ELMO1: variants seen among roughly 807,000 people sequenced by gnomAD.
ELMO1 encodes the protein engulfment and cell motility protein 1.
ELMO1 carries 26 observed loss-of-function variants against 98.9 expected under a neutral mutation model. That is an observed-to-expected ratio of 0.26 (90% CI 0.19 to 0.36). The LOEUF (loss-of-function observed/expected upper bound fraction) is 0.36, where lower values mean the gene tolerates loss of function less well. ELMO1 is among the 10% of genes least tolerant of loss of function. The pLI is 1.00. For synonymous variants in ELMO1, 346 were observed against 346.0 expected, an observed-to-expected ratio of 1.00 and a Z score of 0.00; for missense variants, 627 against 935.2, an observed-to-expected ratio of 0.67 and a Z score of 4.30.
chr7:37,402,698 A>G (rs1472794670), intron 1 of ELMO1, among the ~76,000 whole-genome samples: 1 of 152,204 alleles, frequency 6.6e-6, no homozygotes, highest in Non-Finnish European at 1.5e-5. Flanking sequence ...ATACTAAAGG[A>G]CACTGTTAGT....
chr7:37,318,958 C>A (rs1799346302), intron 2 of ELMO1, among the ~76,000 whole-genome samples: 3 of 152,296 alleles, frequency 2.0e-5, no homozygotes, highest in African/African-American at 7.2e-5. Flanking sequence ...TATAACTAAT[C>A]CTTCAATGAA....
At chr7:36,930,921 T>C (rs1024102971) in intron 16 of ELMO1, among the ~76,000 whole-genome samples, 7 of 152,314 alleles carry the variant, frequency 4.6e-5, no homozygotes, top group East Asian at 1.9e-4. Context: ...GGTGAGAACA[T>C]GCGCACCTTC....
At chr7:37,431,194 C>A (rs1647794) in intron 1 of ELMO1, among the ~76,000 whole-genome samples, 12 of 152,044 alleles carry the variant, frequency 7.9e-5, no homozygotes, top group South Asian at 4.1e-4. Flanking sequence ...AAGATTAGCC[C>A]GGCATGGTGG....
intron 15 of ELMO1, among the ~76,000 whole-genome samples, chr7:37,079,361 T>C (rs559758841): frequency 8.5e-5 from 13 of 152,364 alleles, no homozygotes; most frequent in Non-Finnish European, 1.8e-4. Flanking sequence ...ACTTGTTGAT[T>C]AGAAACAGAC....
At chr7:36,865,954 C>T (rs1260438240) in intron 20 of ELMO1, among the ~76,000 whole-genome samples, 3 of 152,214 alleles carry the variant, frequency 2.0e-5, no homozygotes, top group South Asian at 2.1e-4. Context: ...GATGCTAGAA[C>T]ATCAGCTTCA....
chr7:37,225,077 C>A, intron 8 of ELMO1, 47 bp from the exon 9 acceptor site: 1 of 1,609,562 alleles, frequency 6.2e-7, no homozygotes, highest in Non-Finnish European at 8.5e-7. Context: ...GTAAGTAGAG[C>A]AGAGACGTGG....
Position 37,224,911 on chromosome 7 carries a change from G to A in ELMO1, c.669C>T (p.Ile223=), listed in dbSNP as rs1793781065. ...HDLYQKVAQE[I]TIGQLIPHLQ... ...GGTGTGGAATGAGCTGGCCGATGGTGATCTCCTGCGCCACTTTCTGGTAGA... is the reference window on the plus strand; with the variant it reads ...GGTGTGGAATGAGCTGGCCGATGGTAATCTCCTGCGCCACTTTCTGGTAGA... Residue 223 remains isoleucine, a synonymous_variant, in exon 9 of 22, where the codon ATC becomes ATT. Coordinates refer to ENST00000310758, the MANE Select transcript of ELMO1 (RefSeq NM_014800.11). The A allele has an allele frequency of 1.2e-6, 2 of 1,614,070 alleles. No individual in the cohort carries two copies. The highest frequency in any genetic ancestry group is 1.1e-5 in the South Asian group (1 of 91,074).
chr7:36,909,850 C>G (rs1784222537), intron 16 of ELMO1, among the ~76,000 whole-genome samples: 1 of 152,102 alleles, frequency 6.6e-6, no homozygotes, highest in Non-Finnish European at 1.5e-5. Flanking sequence ...TCCAGAAGAT[C>G]TCAGAAACAA....
intron 4 of ELMO1, among the ~76,000 whole-genome samples, chr7:37,273,318 T>G (rs1416598064): frequency 1.3e-5 from 2 of 152,162 alleles, no homozygotes; most frequent in Non-Finnish European, 2.9e-5. Context: ...AGGGGCAGTT[T>G]CCCCCATGCC....
intron 1 of ELMO1, among the ~76,000 whole-genome samples, chr7:37,369,300 T>C (rs1802021570): frequency 6.6e-6 from 1 of 152,198 alleles, no homozygotes; most frequent in East Asian, 1.9e-4. Flanking sequence ...TCAGGTTTTG[T>C]AGTATTTGCA....
At chr7:37,192,830 ATATG>A (rs902729086) in intron 13 of ELMO1, among the ~76,000 whole-genome samples, 1 of 146,762 alleles carries the variant, frequency 6.8e-6, no homozygotes, top group African/African-American at 2.5e-5. Context: ...GTGTGTGTAT[ATATG>A]TATATATGAC....
intron 15 of ELMO1, among the ~76,000 whole-genome samples, chr7:37,050,028 C>T (rs773337658): frequency 6.6e-6 from 1 of 152,098 alleles, no homozygotes; most frequent in African/African-American, 2.4e-5. Context: ...GATCTGCCCA[C>T]TTCAGCCTCT....
At chr7:37,428,030 G>GGTGTGTGTGTGTGTGT (rs10681558) in intron 1 of ELMO1, among the ~76,000 whole-genome samples, 1 of 149,792 alleles carries the variant, frequency 6.7e-6, no homozygotes, top group African/African-American at 2.5e-5. Flanking sequence ...GTATGCTTGG[G>GGTGTGTGTGTGTGTGT]GTGTGTGTGT....
chr7:37,446,386 A>T (rs1805617980), intron 1 of ELMO1, among the ~76,000 whole-genome samples: 1 of 152,216 alleles, frequency 6.6e-6, no homozygotes, highest in Non-Finnish European at 1.5e-5. Context: ...AAACTGAGTA[A>T]CATAAGAGGC....
At position 36,930,660 on chromosome 7, in the gene ELMO1, A is replaced by AT. The variant is rs1193694263; in HGVS notation, c.1438-35644dup. On this transcript the variant is annotated intron_variant, in intron 16 of 21. Transcript: ENST00000310758. ...TCTACAGAACATGCTCAGGCACATC[A>AT]TTTTTTAATGCTGTGTTTTTAGAAA... 3.9e-5 allele frequency among the ~76,000 whole-genome samples: 6 copies of AT among 152,318 alleles called. No individual in the cohort carries two copies. In the East Asian group the frequency reaches 1.2e-3, roughly 29 times the overall value.
chr7:36,926,502 C>A (rs1385100563), intron 16 of ELMO1, among the ~76,000 whole-genome samples: 1 of 152,070 alleles, frequency 6.6e-6, no homozygotes. Context: ...AGTGACCCCC[C>A]CAACTGAGGT....
At chr7:36,907,056 C>A (rs895655904) in intron 16 of ELMO1, among the ~76,000 whole-genome samples, 6 of 152,190 alleles carry the variant, frequency 3.9e-5, no homozygotes, top group South Asian at 2.1e-4. Flanking sequence ...CTTTTTATGA[C>A]TACTGAATTT....
chr7:37,005,275 C>G (rs972220104), intron 16 of ELMO1, among the ~76,000 whole-genome samples: 6 of 151,972 alleles, frequency 3.9e-5, no homozygotes, highest in African/African-American at 1.5e-4. Context: ...ATGCAGGGTA[C>G]AGTGCACAAC....
At chr7:37,098,559 A>G (rs1388840498) in intron 14 of ELMO1, among the ~76,000 whole-genome samples, 1 of 152,212 alleles carries the variant, frequency 6.6e-6, no homozygotes, top group Non-Finnish European at 1.5e-5. Flanking sequence ...GATGAAGGTC[A>G]GAGCCCACTG....
Sources: gnomAD v4.1 joint callset for allele counts (sites outside exome capture counted in the v4.1 genomes callset) on GRCh38, gnomAD v4.1.1 for gene constraint, MANE v1.5 for transcripts, NCBI Gene and HGNC (gene_info 2026-07-23, HGNC 2026-07-21) for gene names.